Variants in KDM6A observed in about 807,000 individuals in gnomAD.
KDM6A encodes lysine-specific demethylase 6A.
KDM6A carries 11 observed loss-of-function variants against 117.6 expected under a neutral mutation model. That is an observed-to-expected ratio of 0.09 (90% CI 0.06 to 0.15). The LOEUF (loss-of-function observed/expected upper bound fraction) is 0.15, where lower values mean the gene tolerates loss of function less well. Among genes scored for constraint, KDM6A ranks in the 10% least tolerant of loss-of-function variants. The probability of loss-of-function intolerance (pLI) is 1.00; values close to 1 mark genes in which losing one functional copy is unlikely to be tolerated. For missense variants in KDM6A, 799 were observed against 1,077.3 expected, an observed-to-expected ratio of 0.74 and a Z score of 3.62; for synonymous variants, 384 against 396.1, an observed-to-expected ratio of 0.97 and a Z score of 0.36.
intron 4 of KDM6A, among the ~76,000 whole-genome samples, chrX:44,993,901 T>A (rs969541487): frequency 1.8e-5 from 2 of 112,070 alleles, no homozygotes; most frequent in African/African-American, 6.5e-5. Flanking sequence ...TTCTGCACCT[T>A]CCCTTTGTGC....
At chrX:44,901,504 G>A (rs1028165638) in intron 2 of KDM6A, among the ~76,000 whole-genome samples, 5 of 111,216 alleles carry the variant, frequency 4.5e-5, no homozygotes, top group African/African-American at 1.6e-4. Flanking sequence ...GTCTTGTTTT[G>A]TAGAGCTCTT....
At chrX:45,086,256 A>G (rs866685040) in intron 25 of KDM6A, 13 of 273,767 alleles carry the variant, frequency 4.7e-5, no homozygotes, top group African/African-American at 3.3e-4. Context: ...AAAATGATGC[A>G]TACTTATTCA....
At position 45,070,040 on chromosome X, in the gene KDM6A, A is replaced by G. The variant is rs2044747605; in HGVS notation, c.2541A>G (p.Gly847=). ...AAGCCAATAACAATGTGGGTACTGG[A>G]ACCTGTGACAAAGTCAATAACATCC... ...MGKANNNVGT[G]TCDKVNNIHP... Residue 847 remains glycine (G), a synonymous_variant, in exon 18 of 30, where the codon GGA becomes GGG. Coordinates refer to ENST00000611820, the MANE Select transcript of KDM6A (RefSeq NM_001291415.2). The G allele has an allele frequency of 3.3e-6, 4 of 1,209,808 alleles. No homozygotes were observed. The highest frequency in any genetic ancestry group is 4.5e-6 in the Non-Finnish European group (4 of 895,033).
At chrX:44,985,089 G>C (rs1417277759) in intron 4 of KDM6A, among the ~76,000 whole-genome samples, 1 of 109,665 alleles carries the variant, frequency 9.1e-6, no homozygotes, top group Non-Finnish European at 1.9e-5. Context: ...TTATTTCATT[G>C]AGCAGTGGTT....
intron 4 of KDM6A, among the ~76,000 whole-genome samples, chrX:45,004,930 T>G (rs2041356259): frequency 9.1e-6 from 1 of 110,380 alleles, no homozygotes; most frequent in Admixed American, 9.7e-5. Flanking sequence ...TTGGGCAATT[T>G]GGTCTGCCAC....
At chrX:44,919,275 G>A (rs746992278) in intron 2 of KDM6A, among the ~76,000 whole-genome samples, 2 of 111,315 alleles carry the variant, frequency 1.8e-5, no homozygotes, top group Non-Finnish European at 3.8e-5. Flanking sequence ...ATTACATTGA[G>A]TTGTCATGTC....
intron 6 of KDM6A, among the ~76,000 whole-genome samples, chrX:45,033,832 C>T (rs1235163970): frequency 3.6e-5 from 4 of 110,710 alleles, no homozygotes; most frequent in African/African-American, 9.9e-5. Context: ...GGATTACAGT[C>T]GTGAGCCACC....
At chrX:44,893,672 G>A (rs918128242) in intron 2 of KDM6A, among the ~76,000 whole-genome samples, 7 of 109,789 alleles carry the variant, frequency 6.4e-5, no homozygotes, top group Admixed American at 2.9e-4. Flanking sequence ...ACCATGCCTG[G>A]CTAATTTTTT....
intron 4 of KDM6A, among the ~76,000 whole-genome samples, chrX:44,984,204 G>T (rs1397996915): frequency 9.0e-6 from 1 of 110,590 alleles, no homozygotes; most frequent in Non-Finnish European, 1.9e-5. Context: ...CTGCATAAAT[G>T]TCTTCTTTTG....
At chrX:45,110,320 A>C (rs1483406748) in intron 29 of KDM6A, 71 bp downstream of exon 29, 25 of 920,802 alleles carry the variant, frequency 2.7e-5, no homozygotes, top group Non-Finnish European at 3.9e-5. Flanking sequence ...CTGCCACCTG[A>C]TAAGTAGGAG....
chrX:45,000,478 A>C, intron 4 of KDM6A, among the ~76,000 whole-genome samples: 1 of 111,736 alleles, frequency 8.9e-6, no homozygotes, highest in Non-Finnish European at 1.9e-5. Flanking sequence ...GGTGAAAGGG[A>C]TAGCCAGTTG....
chrX:44,988,837 G>A lies in KDM6A; in HGVS notation c.384+14122G>A, dbSNP rs111965189. On this transcript the variant is annotated intron_variant, in intron 4 of 29. Transcript: ENST00000611820. The stretch of plus-strand genomic sequence containing the variant: ...TGCCCCTACTGGGTGGTGCCTCCCA[G>A]TTAGGCTACTCGGGGGTCAGGGACC... 9.8e-3 allele frequency among the ~76,000 whole-genome samples: 1,092 copies of A among 111,059 alleles called. 13 individuals are homozygous for A. The highest frequency in any genetic ancestry group is 0.034 in the African/African-American group (1,051 of 30,497).
chrX:45,069,492 T>C, intron 17 of KDM6A, 87 bp from the exon 18 acceptor site: 6 of 891,941 alleles, frequency 6.7e-6, no homozygotes, highest in Non-Finnish European at 9.5e-6. Flanking sequence ...ATATTTATTT[T>C]TAGTGGCTTT....
rs978483202 is a variant in KDM6A at position 44,910,742 on chromosome X, A to G, written c.225+36755A>G. ...CCTTCAAGCATCTGTTTAACAAAGC[A>G]CATCTTGCACCGACCTTAATCCATT... On this transcript the variant is annotated intron_variant, in intron 2 of 29. Coordinates refer to ENST00000611820, the MANE Select transcript of KDM6A (RefSeq NM_001291415.2). Among the ~76,000 whole-genome samples the G allele has an allele frequency of 1.1e-4, 12 of 110,385 alleles. No homozygotes were observed. In the Admixed American group the frequency reaches 1.2e-3, roughly 11 times the overall value.
At chrX:44,883,213 C>T (rs1448448749) in intron 2 of KDM6A, among the ~76,000 whole-genome samples, 3 of 109,380 alleles carry the variant, frequency 2.7e-5, no homozygotes, top group Non-Finnish European at 5.7e-5. Flanking sequence ...GGACTATAAG[C>T]GTGAACCACC....
intron 2 of KDM6A, 125 bp downstream of exon 2, chrX:44,874,112 C>CT: frequency 1.6e-6 from 1 of 615,555 alleles, no homozygotes; most frequent in Non-Finnish European, 2.7e-6. Flanking sequence ...CTTCCGGAAA[C>CT]TATTTCCTGC....
Position 45,069,927 on chromosome X carries a change from G to A in KDM6A, c.2428G>A (p.Ala810Thr), listed in dbSNP as rs1006996188. The part of the protein sequence containing the change: ...PNHVHQMTAD[A>T]VCSPSHGDSK... ...TCATGTCCATCAGATGACGGCAGAT[G>A]CTGTTTGCAGTCCTAGCCATGGAGA... The change falls in exon 18 of 30, where the codon GCT (alanine) becomes ACT (threonine). Residue 810 changes from alanine (A) to threonine (T), a missense_variant. Transcript: ENST00000611820. 3 of 1,209,919 alleles carry A rather than the reference G, an allele frequency of 2.5e-6. No individual in the cohort carries two copies. The African/African-American group carries it at 5.2e-5, about 21-fold the overall frequency.
At chrX:44,969,411 CTTTTTTTT>C (rs11288771) in intron 3 of KDM6A, among the ~76,000 whole-genome samples, 3 of 35,982 alleles carry the variant, frequency 8.3e-5, no homozygotes, top group East Asian at 1.4e-3. Context: ...CTCTTTTTAT[CTTTTTTTT>C]TTTTTTTTTT....
intron 2 of KDM6A, among the ~76,000 whole-genome samples, chrX:44,916,712 C>T (rs1222076802): frequency 9.1e-6 from 1 of 110,424 alleles, no homozygotes; most frequent in Non-Finnish European, 1.9e-5. Context: ...GTGGCGTGAT[C>T]ATGGCTCACT....
Sources: gnomAD v4.1 joint callset for allele counts (sites outside exome capture counted in the v4.1 genomes callset) on GRCh38, gnomAD v4.1.1 for gene constraint, MANE v1.5 for transcripts, NCBI Gene and HGNC (gene_info 2026-07-23, HGNC 2026-07-21) for gene names.